The following SLC4A10 variants were observed in gnomAD, a reference collection of about 807,000 sequenced individuals.
SLC4A10 encodes the protein sodium-driven chloride bicarbonate exchanger.
SLC4A10 carries 42 observed loss-of-function variants against 137.7 expected under a neutral mutation model. That is an observed-to-expected ratio of 0.30 (90% confidence interval 0.24 to 0.39). SLC4A10 has a LOEUF of 0.39. Ranked by LOEUF, SLC4A10 falls within the 10% of genes least tolerant of loss-of-function variation. The pLI, the probability that SLC4A10 is intolerant of heterozygous loss-of-function variation, is 1.00. For synonymous variants in SLC4A10, 474 were observed against 464.1 expected, an observed-to-expected ratio of 1.02 and a Z score of -0.27; for missense variants, 925 against 1,355.0, an observed-to-expected ratio of 0.68 and a Z score of 4.98.
intron 1 of SLC4A10, among the ~76,000 whole-genome samples, chr2:161,738,965 G>A (rs926566834): frequency 6.6e-6 from 1 of 152,080 alleles, no homozygotes; most frequent in Non-Finnish European, 1.5e-5. Context: ...TGCCAGATGG[G>A]GTGAAGATAT....
At chr2:161,869,571 A>G (rs1014290190) in intron 6 of SLC4A10, among the ~76,000 whole-genome samples, 2 of 151,616 alleles carry the variant, frequency 1.3e-5, no homozygotes, top group African/African-American at 4.8e-5. Context: ...TTTTCAAAAT[A>G]ACCCAAATCA....
intron 24 of SLC4A10, among the ~76,000 whole-genome samples, chr2:161,976,243 G>T (rs377233366): frequency 2.0e-5 from 3 of 152,158 alleles, no homozygotes; most frequent in South Asian, 4.2e-4. Context: ...ACAAAATGGG[G>T]CATACACATA....
At chr2:161,874,826 G>T (rs922181529) in intron 8 of SLC4A10, among the ~76,000 whole-genome samples, 15 of 152,168 alleles carry the variant, frequency 9.9e-5, no homozygotes, top group African/African-American at 3.6e-4. Context: ...CTTCTCATTT[G>T]CAAAGTAAGA....
chr2:161,932,584 C>G (rs757119712), intron 15 of SLC4A10, among the ~76,000 whole-genome samples: 2 of 152,148 alleles, frequency 1.3e-5, no homozygotes, highest in Admixed American at 6.5e-5. Flanking sequence ...GAGTCCCAAA[C>G]TGGGACTCAG....
intron 4 of SLC4A10, among the ~76,000 whole-genome samples, chr2:161,843,979 A>G (rs188374602): frequency 4.6e-5 from 7 of 152,272 alleles, no homozygotes; most frequent in African/African-American, 1.7e-4. Flanking sequence ...TCACTTTTAA[A>G]AACCCTAAAA....
intron 16 of SLC4A10, among the ~76,000 whole-genome samples, chr2:161,947,098 C>T (rs1379852641): frequency 6.6e-6 from 1 of 152,100 alleles, no homozygotes; most frequent in African/African-American, 2.4e-5. Context: ...TATTTAACCC[C>T]TTTATGCTTC....
intron 15 of SLC4A10, among the ~76,000 whole-genome samples, chr2:161,924,128 A>T (rs571050966): frequency 6.6e-6 from 1 of 152,152 alleles, no homozygotes; most frequent in South Asian, 2.1e-4. Flanking sequence ...CTATCTCCTC[A>T]CAGTGCTATT....
intron 3 of SLC4A10, among the ~76,000 whole-genome samples, chr2:161,818,855 G>C (rs1174093238): frequency 6.6e-6 from 1 of 152,140 alleles, no homozygotes; most frequent in Non-Finnish European, 1.5e-5. Flanking sequence ...ATAAGTTTTT[G>C]ATGTGTTGCT....
rs1171658964 is a variant in SLC4A10 at position 161,674,012 on chromosome 2, A to AT, written c.48+49448dup. 1.8e-4 allele frequency among the ~76,000 whole-genome samples: 4 copies of AT among 21,882 alleles called. No homozygotes were observed. The Middle Eastern group carries it at 0.05, about 274-fold the overall frequency. 14.4% of individuals were successfully genotyped at this position (21,882 alleles called of 152,430 possible). ...CTCAAAACAAAACAAAATGAAGTTC[A>AT]TTAAAAATATATTTGAAAAAATCCA... On this transcript the variant is annotated intron_variant, in intron 1 of 26. Coordinates refer to ENST00000446997, the MANE Select transcript of SLC4A10 (RefSeq NM_001178015.2).
chr2:161,873,068 C>T (rs773402551), intron 7 of SLC4A10, among the ~76,000 whole-genome samples: 20 of 152,084 alleles, frequency 1.3e-4, no homozygotes, highest in Non-Finnish European at 2.5e-4. Flanking sequence ...AATCACTTTT[C>T]TTCTATTTGT....
intron 1 of SLC4A10, among the ~76,000 whole-genome samples, chr2:161,753,733 A>G (rs2049251315): frequency 6.6e-6 from 1 of 152,104 alleles, no homozygotes; most frequent in Admixed American, 6.6e-5. Flanking sequence ...TAAACTACAT[A>G]CATCTATAAA....
intron 2 of SLC4A10, 70 bp from the exon 3 acceptor site, chr2:161,804,379 C>A: frequency 6.7e-7 from 1 of 1,495,794 alleles, no homozygotes; most frequent in Non-Finnish European, 9.1e-7. Flanking sequence ...TCTCCATTAA[C>A]ATGTAAATCA....
chr2:161,660,661 C>T (rs12477806), intron 1 of SLC4A10, among the ~76,000 whole-genome samples: 114,420 of 129,762 alleles, frequency 0.88, 50,131 homozygotes, highest in East Asian at 0.93. Context: ...TCTTTCTTTC[C>T]TTTTTTTTTT....
chr2:161,771,140 T>C (rs186806244), intron 2 of SLC4A10, 86 bp downstream of exon 2: 22 of 978,254 alleles, frequency 2.2e-5, no homozygotes, highest in African/African-American at 1.5e-4. Flanking sequence ...TTGTGAAGAA[T>C]TGCAAAAGTT....
intron 1 of SLC4A10, among the ~76,000 whole-genome samples, chr2:161,742,464 C>G (rs2048005437): frequency 9.6e-6 from 1 of 104,276 alleles, no homozygotes; most frequent in African/African-American, 3.8e-5. Context: ...TTTTTTGAGA[C>G]TGAGTCTCGC....
chr2:161,729,206 G>A (rs2046562083), intron 1 of SLC4A10, among the ~76,000 whole-genome samples: 1 of 151,938 alleles, frequency 6.6e-6, no homozygotes, highest in Non-Finnish European at 1.5e-5. Context: ...CAAAAGGCAA[G>A]GCAAGGAAAG....
Position 161,976,859 on chromosome 2 carries a change from A to C in SLC4A10, c.3327A>C (p.Ser1109=). The change falls in exon 25 of 27, where the codon TCA becomes TCC. Residue 1109 remains serine (S), a synonymous_variant. Transcript: ENST00000446997. ...ITADNSKDKE[S]SFPSKSSPS ...CCGATAACTCAAAAGATAAGGAGTC[A>C]AGCTTTCCTTCCAAAAGGTTTGGAT... 1.3e-6 allele frequency: 2 copies of C among 1,587,116 alleles called. No individual in the cohort carries two copies. The highest frequency in any genetic ancestry group is 1.7e-6 in the Non-Finnish European group (2 of 1,165,856).
chr2:161,879,072 T>C (rs2061597818), intron 8 of SLC4A10, 59 bp from the exon 9 acceptor site: 5 of 1,523,302 alleles, frequency 3.3e-6, no homozygotes, highest in Non-Finnish European at 4.5e-6. Flanking sequence ...TGTGCAAGAA[T>C]ATGATTTACC....
chr2:161,933,228 TTTCTTTCTTTCTTTC>T (rs1690873380), intron 15 of SLC4A10, among the ~76,000 whole-genome samples: 1 of 146,702 alleles, frequency 6.8e-6, no homozygotes, highest in East Asian at 2.0e-4. Context: ...TCTTTCTTTC[TTTCTTTCTTTCTTTC>T]TTTCTTTCTT....
Sources: allele counts gnomAD v4.1 joint callset (sites outside exome capture counted in the v4.1 genomes callset), GRCh38; gene constraint gnomAD v4.1.1; transcripts MANE v1.5; gene names NCBI Gene and HGNC (gene_info 2026-07-23, HGNC 2026-07-21).